LHFPL6: variants seen among roughly 807,000 people sequenced by gnomAD.
The protein encoded by LHFPL6 is LHFPL tetraspan subfamily member 6 protein.
A neutral mutation model predicts 20.6 loss-of-function variants in LHFPL6; 9 were observed. The ratio of observed to expected loss-of-function variants is 0.44; its 90% CI spans 0.26 to 0.76. The LOEUF is 0.76. LHFPL6 is among the 30% of genes least tolerant of loss of function. The pLI, the probability that LHFPL6 is intolerant of heterozygous loss-of-function variation, is 0.20. For missense variants in LHFPL6, 218 were observed against 253.5 expected, an observed-to-expected ratio of 0.86 and a Z score of 0.95; for synonymous variants, 105 against 98.7, an observed-to-expected ratio of 1.06 and a Z score of -0.38.
At chr13:39,502,669 G>A (rs1869333841) in intron 2 of LHFPL6, among the ~76,000 whole-genome samples, 1 of 152,068 alleles carries the variant, frequency 6.6e-6, no homozygotes, top group South Asian at 2.1e-4. Flanking sequence ...GGGTGAAGCT[G>A]GAACACAGGA....
At chr13:39,381,114 C>T (rs891587880) in intron 2 of LHFPL6, among the ~76,000 whole-genome samples, 6 of 152,322 alleles carry the variant, frequency 3.9e-5, no homozygotes, top group Admixed American at 3.9e-4. Flanking sequence ...TTCCATGAAA[C>T]TGGTCCGTGG....
At chr13:39,519,001 T>C (rs556358293) in intron 2 of LHFPL6, among the ~76,000 whole-genome samples, 1 of 151,854 alleles carries the variant, frequency 6.6e-6, no homozygotes, top group East Asian at 1.9e-4. Flanking sequence ...CTTTGGGAGG[T>C]TGAGGTGGTA....
At chr13:39,457,144 A>G (rs1268711275) in intron 2 of LHFPL6, among the ~76,000 whole-genome samples, 1 of 152,234 alleles carries the variant, frequency 6.6e-6, no homozygotes, top group Non-Finnish European at 1.5e-5. Flanking sequence ...AAAGAATGAT[A>G]AAATGGATTT....
At chr13:39,549,779 A>G (rs73466850) in intron 2 of LHFPL6, among the ~76,000 whole-genome samples, 2,637 of 152,236 alleles carry the variant, frequency 0.017, 87 homozygotes, top group African/African-American at 0.061. Flanking sequence ...ATGTCCTTCA[A>G]CTGACACATA....
chr13:39,440,000 G>T (rs146463303), intron 2 of LHFPL6, among the ~76,000 whole-genome samples: 20 of 152,294 alleles, frequency 1.3e-4, no homozygotes, highest in African/African-American at 4.1e-4. Context: ...GTTTTCTCTA[G>T]TGCAACTTCA....
intron 2 of LHFPL6, among the ~76,000 whole-genome samples, chr13:39,587,157 CA>C (rs11298810): frequency 0.81 from 119,714 of 148,158 alleles, 48,582 homozygotes; most frequent in East Asian, 0.94. Flanking sequence ...AACTCCGTCT[CA>C]AAAAAAAAAA....
At chr13:39,561,118 T>G (rs1196495095) in intron 2 of LHFPL6, among the ~76,000 whole-genome samples, 1 of 151,898 alleles carries the variant, frequency 6.6e-6, no homozygotes. Flanking sequence ...CTTGGTAAAT[T>G]GACTCACCTA....
chr13:39,393,920 CT>C (rs905191874), intron 2 of LHFPL6, among the ~76,000 whole-genome samples: 1 of 152,118 alleles, frequency 6.6e-6, no homozygotes, highest in Non-Finnish European at 1.5e-5. Flanking sequence ...CCTAATGTCT[CT>C]TTGTAAGTCC....
intron 2 of LHFPL6, among the ~76,000 whole-genome samples, chr13:39,545,334 T>C (rs923444226): frequency 5.3e-5 from 8 of 151,768 alleles, no homozygotes; most frequent in African/African-American, 4.9e-5. Context: ...CTAGTTGGTA[T>C]TGGCTCTCTC....
chr13:39,385,495 C>T (rs1230893806), intron 2 of LHFPL6, among the ~76,000 whole-genome samples: 1 of 152,256 alleles, frequency 6.6e-6, no homozygotes, highest in Non-Finnish European at 1.5e-5. Flanking sequence ...GGCCCTTGGG[C>T]CCAAACGTGA....
intron 2 of LHFPL6, among the ~76,000 whole-genome samples, chr13:39,490,535 G>C (rs922330779): frequency 2.0e-5 from 3 of 152,164 alleles, no homozygotes; most frequent in Non-Finnish European, 2.9e-5. Flanking sequence ...AATGAATGCA[G>C]GTTTGCTGGA....
intron 2 of LHFPL6, among the ~76,000 whole-genome samples, chr13:39,379,821 C>T (rs946382055): frequency 6.6e-6 from 1 of 152,184 alleles, no homozygotes; most frequent in Non-Finnish European, 1.5e-5. Context: ...CAGTCTGCCC[C>T]TTGGTTGACA....
Position 39,468,690 on chromosome 13 carries a change from T to C in LHFPL6, c.386-90164A>G, listed in dbSNP as rs529501998. Among the ~76,000 whole-genome samples, 6 of 152,308 alleles carry C rather than the reference T, an allele frequency of 3.9e-5. No individual in the cohort carries two copies. The South Asian group carries it at 1.2e-3, about 32-fold the overall frequency. Reference sequence around the variant, plus strand: ...ATACACCTTTCTGATCAAAAACATCTAATATTACCCTTTTACATTCTCATT... The same window carrying C: ...ATACACCTTTCTGATCAAAAACATCCAATATTACCCTTTTACATTCTCATT... On this transcript the variant is annotated intron_variant, in intron 2 of 3. Transcript: ENST00000379589.
intron 2 of LHFPL6, among the ~76,000 whole-genome samples, chr13:39,397,169 A>G (rs1320946947): frequency 6.6e-6 from 1 of 152,210 alleles, no homozygotes; most frequent in Non-Finnish European, 1.5e-5. Flanking sequence ...TTGAAAAAAA[A>G]AAGTAGATTT....
chr13:39,380,291 G>A (rs1247042970), intron 2 of LHFPL6, among the ~76,000 whole-genome samples: 1 of 152,166 alleles, frequency 6.6e-6, no homozygotes, highest in Non-Finnish European at 1.5e-5. Flanking sequence ...ATCTGGACAA[G>A]AAGTATTTAA....
At chr13:39,345,757 C>G (rs1166125327) in intron 3 of LHFPL6, among the ~76,000 whole-genome samples, 1 of 152,042 alleles carries the variant, frequency 6.6e-6, no homozygotes. Context: ...CCCTAGAGGT[C>G]ACAAGTTTTG....
At chr13:39,399,758 C>A (rs1444501397) in intron 2 of LHFPL6, among the ~76,000 whole-genome samples, 1 of 152,128 alleles carries the variant, frequency 6.6e-6, no homozygotes, top group Non-Finnish European at 1.5e-5. Flanking sequence ...TGAAGGGGAT[C>A]CAAGATCAGA....
intron 2 of LHFPL6, among the ~76,000 whole-genome samples, chr13:39,564,009 C>T (rs1484703006): frequency 6.6e-6 from 1 of 152,034 alleles, no homozygotes; most frequent in Non-Finnish European, 1.5e-5. Context: ...TCACGTTGAG[C>T]CCATGGTGAA....
intron 3 of LHFPL6, among the ~76,000 whole-genome samples, chr13:39,348,865 T>C (rs1358105678): frequency 6.6e-6 from 1 of 152,236 alleles, no homozygotes; most frequent in East Asian, 1.9e-4. Flanking sequence ...TTGTAATTTC[T>C]AGTCATTGTT....
Sources: allele counts gnomAD v4.1 joint callset (sites outside exome capture counted in the v4.1 genomes callset), GRCh38; gene constraint gnomAD v4.1.1; transcripts MANE v1.5; gene names NCBI Gene and HGNC (gene_info 2026-07-23, HGNC 2026-07-21).